Variants in BCAS4 observed in about 807,000 individuals in gnomAD.
BCAS4 encodes breast carcinoma amplified sequence 4.
In BCAS4, 9 loss-of-function variants were observed where a neutral mutation model predicts 15.7. The ratio of observed to expected loss-of-function variants is 0.57; its 90% confidence interval spans 0.34 to 1.00. BCAS4 has a LOEUF of 1.00. Among genes scored for constraint, BCAS4 ranks in the 50% least tolerant of loss-of-function variants. BCAS4 has a pLI of 0.02. For synonymous variants in BCAS4, 101 were observed against 99.5 expected (o/e 1.02, Z -0.09); for missense variants, 225 against 239.1 (o/e 0.94, Z 0.39).
chr20:50,836,453 C>T (rs6013026), intron 3 of BCAS4, among the ~76,000 whole-genome samples: 2 of 152,116 alleles, frequency 1.3e-5, no homozygotes, highest in Non-Finnish European at 1.5e-5. Context: ...AAATGAGACC[C>T]GCACCTGCCA....
At chr20:50,802,075 C>T (rs1277420517) in intron 1 of BCAS4, among the ~76,000 whole-genome samples, 1 of 152,096 alleles carries the variant, frequency 6.6e-6, no homozygotes, top group African/African-American at 2.4e-5. Context: ...TAGCTCATGC[C>T]TGTAGTCCCA....
At chr20:50,875,183 T>A (rs76668671) in intron 4 of BCAS4, among the ~76,000 whole-genome samples, 1 of 152,128 alleles carries the variant, frequency 6.6e-6, no homozygotes, top group Non-Finnish European at 1.5e-5. Flanking sequence ...GCATCAGTAG[T>A]TCATAAAACT....
At chr20:50,841,628 G>A in intron 3 of BCAS4, 138 bp from the exon 4 acceptor site, 1 of 1,165,810 alleles carries the variant, frequency 8.6e-7, no homozygotes, top group Non-Finnish European at 1.2e-6. Flanking sequence ...AGGCCCTGCT[G>A]CCTTGCAGGG....
chr20:50,840,562 T>C, intron 3 of BCAS4: 1 of 1,528,322 alleles, frequency 6.5e-7, no homozygotes, highest in Non-Finnish European at 9.1e-7. Context: ...AGAAGTAAAA[T>C]AAGAAGGCAA....
At chr20:50,836,093 G>A (rs555635455) in intron 3 of BCAS4, among the ~76,000 whole-genome samples, 3 of 151,904 alleles carry the variant, frequency 2.0e-5, no homozygotes, top group Middle Eastern at 3.2e-3. Flanking sequence ...AACTTTTGTA[G>A]TTTTAGTAGA....
intron 4 of BCAS4, among the ~76,000 whole-genome samples, chr20:50,861,230 G>A (rs1193289737): frequency 6.6e-6 from 1 of 152,234 alleles, no homozygotes; most frequent in Non-Finnish European, 1.5e-5. Flanking sequence ...TGGGCCAAGA[G>A]TTCAGCAGCG....
At chr20:50,845,395 C>T (rs1038128168) in intron 4 of BCAS4, among the ~76,000 whole-genome samples, 6 of 152,118 alleles carry the variant, frequency 3.9e-5, no homozygotes, top group Admixed American at 2.0e-4. Context: ...TTCCCCTCAG[C>T]GCCTCCTCCC....
chr20:50,847,753 CA>C (rs2088563574), intron 4 of BCAS4, among the ~76,000 whole-genome samples: 1 of 152,116 alleles, frequency 6.6e-6, no homozygotes, highest in Admixed American at 6.5e-5. Flanking sequence ...AAAGAAAATT[CA>C]GTTACAGGTG....
At chr20:50,802,967 G>A (rs1426558059) in intron 1 of BCAS4, among the ~76,000 whole-genome samples, 1 of 152,094 alleles carries the variant, frequency 6.6e-6, no homozygotes, top group Non-Finnish European at 1.5e-5. Flanking sequence ...AATCACTTGA[G>A]GCCAGGAGTT....
upstream of BCAS4, chr20:50,795,037 A>G (rs2087833936): frequency 7.0e-7 from 1 of 1,437,450 alleles, no homozygotes; most frequent in East Asian, 3.0e-5. Flanking sequence ...GGGCGCAACC[A>G]CGGGCTCCCA....
At chr20:50,854,854 G>A (rs995685477) in intron 4 of BCAS4, among the ~76,000 whole-genome samples, 10 of 152,160 alleles carry the variant, frequency 6.6e-5, no homozygotes, top group Admixed American at 4.6e-4. Context: ...ATAACCTGTC[G>A]CCTGCTTCCT....
Position 50,868,459 on chromosome 20 carries a change from A to G in BCAS4, c.400-8027A>G, listed in dbSNP as rs182968949. On this transcript the variant is annotated intron_variant, in intron 4 of 4. Coordinates refer to ENST00000371608, the MANE Select transcript of BCAS4 (RefSeq NM_198799.4). ...TTTTTTTGAGTCAGAGTCTTGCTCTATTGCCCAGCCTATAGTGCAGTGGCA... is the reference window on the plus strand; with the variant it reads ...TTTTTTTGAGTCAGAGTCTTGCTCTGTTGCCCAGCCTATAGTGCAGTGGCA... Among the ~76,000 whole-genome samples, 298 of 152,190 alleles carry G rather than the reference A, an allele frequency of 2.0e-3. 3 individuals are homozygous for G. Among genetic ancestry groups the G allele is most frequent in the Middle Eastern group, 3.4e-3 (1 of 294 alleles).
At chr20:50,876,340 C>T in intron 4 of BCAS4, 146 bp from the exon 5 acceptor site, 1 of 1,111,890 alleles carries the variant, frequency 9.0e-7, no homozygotes, top group Non-Finnish European at 1.3e-6. Context: ...CCGGCTTTGG[C>T]TGTCACAGGC....
chr20:50,862,129 CT>C (rs1317547241), intron 4 of BCAS4, among the ~76,000 whole-genome samples: 1 of 152,036 alleles, frequency 6.6e-6, no homozygotes, highest in Non-Finnish European at 1.5e-5. Flanking sequence ...CTCTCTCTCT[CT>C]TTTTGCCTCA....
chr20:50,847,392 G>T (rs569009105), intron 4 of BCAS4, among the ~76,000 whole-genome samples: 2 of 152,258 alleles, frequency 1.3e-5, no homozygotes, highest in South Asian at 4.1e-4. Context: ...CGGTTGAAAA[G>T]CCAGCTTTGC....
chr20:50,807,012 C>T (rs1454381626), intron 1 of BCAS4, among the ~76,000 whole-genome samples: 1 of 151,544 alleles, frequency 6.6e-6, no homozygotes, highest in East Asian at 1.9e-4. Context: ...GCTGGGATTA[C>T]AGGTGTGCAC....
At chr20:50,802,201 A>T (rs2123747125) in intron 1 of BCAS4, among the ~76,000 whole-genome samples, 1 of 152,210 alleles carries the variant, frequency 6.6e-6, no homozygotes, top group Admixed American at 6.5e-5. Flanking sequence ...CTGTCTCAAA[A>T]ATAATAAATG....
rs527766958 is a variant in BCAS4, at chr20:50,801,880, G to A, written c.90+6707G>A. The stretch of plus-strand genomic sequence containing the variant: ...GGCAAAGATCTGACAGCAGATGCCC[G>A]GCCACAGGGGAAAGATGAGGGACCG... On this transcript the variant is annotated intron_variant, in intron 1 of 4. Transcript: ENST00000371608. Among the ~76,000 whole-genome samples the A allele has an allele frequency of 6.6e-5, 10 of 152,160 alleles. No individual in the cohort carries two copies. The East Asian group carries it at 7.7e-4, about 12-fold the overall frequency.
intron 4 of BCAS4, among the ~76,000 whole-genome samples, chr20:50,864,575 A>G (rs1979262677): frequency 6.6e-6 from 1 of 150,884 alleles, no homozygotes; most frequent in Admixed American, 6.6e-5. Context: ...GGTAGCTGGG[A>G]CTACAGGTGC....
Sources: allele counts gnomAD v4.1 joint callset (sites outside exome capture counted in the v4.1 genomes callset), GRCh38; gene constraint gnomAD v4.1.1; transcripts MANE v1.5; gene names NCBI Gene and HGNC (gene_info 2026-07-23, HGNC 2026-07-21).